The following AK8 variants were observed in gnomAD, a reference collection of about 807,000 sequenced individuals.
AK8 encodes the protein ATP-AMP transphosphorylase 8.
A neutral mutation model predicts 54.6 loss-of-function variants in AK8; 44 were observed. The ratio of observed to expected loss-of-function variants is 0.81; its 90% CI spans 0.63 to 1.04. The LOEUF (loss-of-function observed/expected upper bound fraction) is 1.04. Ranked by LOEUF, AK8 falls within the 50% of genes least tolerant of loss-of-function variation. AK8 has a pLI of 0.00. For synonymous variants in AK8, 239 were observed against 245.6 expected, an observed-to-expected ratio of 0.97 and a Z score of 0.25; for missense variants, 555 against 613.6, an observed-to-expected ratio of 0.90 and a Z score of 1.01.
At chr9:132,810,616 C>G (rs1185259185) in intron 10 of AK8, among the ~76,000 whole-genome samples, 1 of 152,104 alleles carries the variant, frequency 6.6e-6, no homozygotes, top group Non-Finnish European at 1.5e-5. Context: ...GATCTGTAAA[C>G]GCCCAACTCC....
chr9:132,773,662 C>T (rs571867153), intron 11 of AK8, among the ~76,000 whole-genome samples: 125 of 152,296 alleles, frequency 8.2e-4, no homozygotes, highest in Non-Finnish European at 1.5e-3. Context: ...TGACAAATAC[C>T]CTGACCAGCA....
At chr9:132,819,327 G>C (rs2131276234) in intron 9 of AK8, among the ~76,000 whole-genome samples, 1 of 152,282 alleles carries the variant, frequency 6.6e-6, no homozygotes, top group South Asian at 2.1e-4. Context: ...AATGTATGTA[G>C]GTTATATGCA....
intron 11 of AK8, among the ~76,000 whole-genome samples, chr9:132,787,534 A>C (rs148525536): frequency 6.6e-6 from 1 of 152,122 alleles, no homozygotes. Context: ...GATAGAATAG[A>C]CACTTTCAGA....
chr9:132,847,853 C>T (rs762315988), intron 5 of AK8, among the ~76,000 whole-genome samples: 3 of 151,864 alleles, frequency 2.0e-5, no homozygotes, highest in African/African-American at 4.8e-5. Flanking sequence ...TGGTGGTGCG[C>T]GCCTGTGATC....
In AK8 at chr9:132,725,717, T is replaced by A; in HGVS notation, c.1411A>T (p.Ile471Phe). 1 of 1,581,176 alleles carries A rather than the reference T, an allele frequency of 6.3e-7. No individual in the cohort carries two copies. Among genetic ancestry groups the A allele is most frequent in the Non-Finnish European group, 8.6e-7 (1 of 1,161,716 alleles). The change falls in exon 13 of 13, where the codon ATT becomes TTT. Residue 471 changes from isoleucine (I) to phenylalanine (F), a missense_variant. Physicochemically the swap from Ile to Phe is conservative, Grantham distance 21. Transcript: ENST00000298545. ...TVFEYIESGIINPLPKKIP is the reference protein window; with the variant it reads ...TVFEYIESGIFNPLPKKIP ...GGGATTTTCTTGGGCAGGGGATTAA[T>A]GATCCCACTCTCGATGTATTCGAAG...
chr9:132,784,872 T>G (rs1285303207), intron 11 of AK8, among the ~76,000 whole-genome samples: 2 of 152,204 alleles, frequency 1.3e-5, no homozygotes, highest in Non-Finnish European at 2.9e-5. Context: ...TGTTGAAATC[T>G]TAATCCAGTT....
At chr9:132,792,494 G>A in intron 11 of AK8, 140 bp downstream of exon 11, 1 of 1,252,048 alleles carries the variant, frequency 8.0e-7, no homozygotes, top group South Asian at 1.8e-5. Flanking sequence ...GATGGGATGG[G>A]TGGGAATGGG....
upstream of AK8, chr9:132,878,740 G>A (rs952613501): frequency 1.0e-6 from 1 of 986,568 alleles, no homozygotes; most frequent in East Asian, 1.1e-4. This position sits in a 1 kb window ranked among gnomAD's most constrained non-coding sequence, Gnocchi z 4.7. Context: ...CGAGGATCGG[G>A]TGGAAATCCT....
chr9:132,835,506 A>G (rs1842288937), intron 5 of AK8, among the ~76,000 whole-genome samples: 1 of 152,160 alleles, frequency 6.6e-6, no homozygotes, highest in Non-Finnish European at 1.5e-5. Flanking sequence ...TCTAGAAACA[A>G]GATTAGCCCT....
chr9:132,755,018 C>T (rs368570675), intron 11 of AK8, among the ~76,000 whole-genome samples: 1 of 152,102 alleles, frequency 6.6e-6, no homozygotes, highest in Non-Finnish European at 1.5e-5. Flanking sequence ...AGGCTGGTCT[C>T]GAACTCCTGA....
intron 11 of AK8, among the ~76,000 whole-genome samples, chr9:132,746,661 C>G (rs1439983734): frequency 1.3e-5 from 2 of 152,216 alleles, no homozygotes; most frequent in African/African-American, 2.4e-5. Flanking sequence ...GCTTCCACCC[C>G]TTAATTGCGC....
rs72759416 is a variant in AK8 at position 132,823,083 on chromosome 9, A to G, written c.889+122T>C. 1.8e-3 allele frequency: 2,468 copies of G among 1,338,652 alleles called. 1 individual carries two copies. Among genetic ancestry groups the G allele is most frequent in the Non-Finnish European group, 2.3e-3 (2,318 of 1,014,772 alleles). 82.9% of individuals were successfully genotyped at this position (1,338,652 alleles called of 1,614,324 possible). On this transcript the variant is annotated intron_variant, in intron 9 of 12. Coordinates refer to ENST00000298545, the MANE Select transcript of AK8 (RefSeq NM_152572.3). Reference sequence around the variant, plus strand: ...AATGGTTAAGAACAAAGAGCCAGAAAGAGAAGTGATACTGACCCTTCCCCC... The same window carrying G: ...AATGGTTAAGAACAAAGAGCCAGAAGGAGAAGTGATACTGACCCTTCCCCC...
rs547454999 is a variant in AK8 at position 132,740,147 on chromosome 9, C to T, written c.1122-12613G>A. On this transcript the variant is annotated intron_variant, in intron 11 of 12. Coordinates refer to ENST00000298545, the MANE Select transcript of AK8 (RefSeq NM_152572.3). ...CTAGCACGCCCCTGCCACAGCAGCC[C>T]CCTAAGGCGGAGCACGGATTACTGT... 7.2e-4 allele frequency among the ~76,000 whole-genome samples: 109 copies of T among 152,358 alleles called. 1 individual carries two copies. In the East Asian group the frequency reaches 0.018, roughly 25 times the overall value.
intron 12 of AK8, among the ~76,000 whole-genome samples, chr9:132,726,232 C>T (rs776457151): frequency 2.0e-5 from 3 of 151,032 alleles, no homozygotes; most frequent in Admixed American, 6.6e-5. Context: ...CCTTCCTTCC[C>T]TCCTTCCTTC....
At chr9:132,726,024 G>GGCC (rs1276361410) in intron 12 of AK8, 99 bp from the exon 13 acceptor site, 2 of 1,001,874 alleles carry the variant, frequency 2.0e-6, no homozygotes, top group Non-Finnish European at 3.0e-6. Flanking sequence ...GGGGTGTCCT[G>GGCC]GCCACCACCA....
Position 132,823,209 on chromosome 9 carries a change from G to T in AK8, c.885C>A (p.Val295=). 1.3e-6 allele frequency: 2 copies of T among 1,578,036 alleles called. No homozygotes were observed. Among genetic ancestry groups the T allele is most frequent in the South Asian group, 2.4e-5 (2 of 84,542 alleles). The change falls in exon 9 of 13, where the codon GTC becomes GTA. Residue 295 remains valine (V), a synonymous_variant. Coordinates refer to ENST00000298545, the MANE Select transcript of AK8 (RefSeq NM_152572.3). ...AALLAQKYRL[V]NVCCGQLLKE... ...CCCAGCACCTGGGGCACTCACCATT[G>T]ACAAGCCTGTATTTCTGGGCCAGGA...
At chr9:132,727,309 A>G (rs1361888739) in intron 12 of AK8, 145 bp downstream of exon 12, 1 of 758,592 alleles carries the variant, frequency 1.3e-6, no homozygotes. Flanking sequence ...CAGAACAGCC[A>G]GTTGGATAAA....
intron 9 of AK8, among the ~76,000 whole-genome samples, chr9:132,821,784 TATAC>T (rs1841646843): frequency 7.2e-6 from 1 of 138,450 alleles, no homozygotes; most frequent in African/African-American, 2.6e-5. Flanking sequence ...TGTGTATGTA[TATAC>T]AAATATATAC....
At chr9:132,761,677 G>A (rs928506970) in intron 11 of AK8, among the ~76,000 whole-genome samples, 32 of 151,890 alleles carry the variant, frequency 2.1e-4, no homozygotes, top group Non-Finnish European at 4.0e-4. Flanking sequence ...TCCTATCCTT[G>A]TAATCTGTTA....
Sources: gnomAD v4.1 joint callset for allele counts (sites outside exome capture counted in the v4.1 genomes callset) on GRCh38, gnomAD v4.1.1 for gene constraint, Gnocchi (gnomAD v3.1) non-coding constraint, MANE v1.5 for transcripts, NCBI Gene and HGNC (gene_info 2026-07-23, HGNC 2026-07-21) for gene names.